The following EXOC4 variants were observed in gnomAD, a reference collection of about 807,000 sequenced individuals.
The protein encoded by EXOC4 is exocyst complex component 4.
EXOC4 carries 71 observed loss-of-function variants against 107.2 expected under a neutral mutation model. The ratio of observed to expected loss-of-function variants is 0.66; its 90% CI spans 0.55 to 0.81. The LOEUF is 0.81. Among genes scored for constraint, EXOC4 ranks in the 30% least tolerant of loss-of-function variants. EXOC4 has a pLI of 0.00. For synonymous variants in EXOC4, 456 were observed against 441.2 expected (o/e 1.03, Z -0.42); for missense variants, 1,108 against 1,189.6 (o/e 0.93, Z 1.01).
intron 7 of EXOC4, among the ~76,000 whole-genome samples, chr7:133,397,288 C>CA (rs1554446418): frequency 1.2e-4 from 3 of 26,032 alleles, no homozygotes; most frequent in East Asian, 1.3e-3. Context: ...CACACCCAGC[C>CA]AAATTTTTTT....
chr7:134,091,817 G>C, the EXOC4 span, among the ~76,000 whole-genome samples: 3 of 152,110 alleles, frequency 2.0e-5, no homozygotes, highest in Non-Finnish European at 4.4e-5. Flanking sequence ...CCTATCTTTA[G>C]GTGGGAAAGG....
At chr7:134,011,805 A>G (rs201366620) in intron 17 of EXOC4, among the ~76,000 whole-genome samples, 2 of 151,224 alleles carry the variant, frequency 1.3e-5, no homozygotes, top group African/African-American at 2.4e-5. Context: ...AAAAAAGAGT[A>G]GGCATGGGGA....
intron 14 of EXOC4, among the ~76,000 whole-genome samples, chr7:133,958,189 C>A (rs910612859): frequency 6.6e-6 from 1 of 152,134 alleles, no homozygotes; most frequent in African/African-American, 2.4e-5. Flanking sequence ...TTCTACCTTG[C>A]TTTTATTTGC....
chr7:133,792,553 C>CAAA (rs56408972), intron 10 of EXOC4, among the ~76,000 whole-genome samples: 51,559 of 73,810 alleles, frequency 0.7, 17,114 homozygotes, highest in South Asian at 0.78. Flanking sequence ...ACCCTGTCTC[C>CAAA]AAAAAAAAAA....
chr7:133,450,291 A>G (rs778485399), intron 7 of EXOC4, among the ~76,000 whole-genome samples: 17 of 152,136 alleles, frequency 1.1e-4, no homozygotes, highest in Middle Eastern at 3.4e-3. Flanking sequence ...AGGCTCCTTG[A>G]GTAGTTGGGA....
intron 7 of EXOC4, among the ~76,000 whole-genome samples, chr7:133,466,217 A>G (rs977303898): frequency 2.6e-5 from 4 of 152,178 alleles, no homozygotes; most frequent in Non-Finnish European, 4.4e-5. Flanking sequence ...AATCAATGAA[A>G]TAAAAATCAG....
At chr7:133,526,790 T>C (rs1340926314) in intron 9 of EXOC4, among the ~76,000 whole-genome samples, 1 of 151,888 alleles carries the variant, frequency 6.6e-6, no homozygotes, top group African/African-American at 2.4e-5. Context: ...GCCAACATGG[T>C]GAAACCTCGC....
intron 17 of EXOC4, among the ~76,000 whole-genome samples, chr7:134,061,083 G>A (rs1411053300): frequency 6.6e-6 from 1 of 152,122 alleles, no homozygotes; most frequent in African/African-American, 2.4e-5. Flanking sequence ...TCATCACACT[G>A]TGGAAGATCC....
At chr7:133,768,053 A>G (rs558061352) in intron 10 of EXOC4, 2 of 152,136 alleles carry the variant, frequency 1.3e-5, no homozygotes, top group Admixed American at 1.3e-4. Context: ...TGATTTGAAC[A>G]GTTTGAGCCT....
rs188294317 is a variant in EXOC4, at chr7:133,712,562, C to T, written c.1514+82421C>T. 1.0e-4 allele frequency among the ~76,000 whole-genome samples: 15 copies of T among 145,864 alleles called. No homozygotes were observed. In the East Asian group the frequency reaches 3.1e-3, roughly 30 times the overall value. On this transcript the variant is annotated intron_variant, in intron 10 of 17. Coordinates refer to ENST00000253861, the MANE Select transcript of EXOC4 (RefSeq NM_021807.4). The stretch of plus-strand genomic sequence containing the variant: ...TTTGGCCGTGCCTCAAAAAATTAAA[C>T]ATAGAATTAGCATATAATTTCACTA...
chr7:133,300,737 G>A (rs1430978507), intron 3 of EXOC4, among the ~76,000 whole-genome samples: 1 of 151,806 alleles, frequency 6.6e-6, no homozygotes, highest in Non-Finnish European at 1.5e-5. Flanking sequence ...ACTGCAAAGA[G>A]TGCTGTGATG....
intron 10 of EXOC4, among the ~76,000 whole-genome samples, chr7:133,745,910 C>T (rs1401676072): frequency 6.6e-6 from 1 of 151,914 alleles, no homozygotes; most frequent in Non-Finnish European, 1.5e-5. Flanking sequence ...TCAATAAGTA[C>T]GTGTTAAGTG....
chr7:133,738,261 T>C (rs1435966541), intron 10 of EXOC4, among the ~76,000 whole-genome samples: 1 of 152,096 alleles, frequency 6.6e-6, no homozygotes, highest in Non-Finnish European at 1.5e-5. Context: ...TTAAAAGAAA[T>C]GAAATTTCTC....
intron 15 of EXOC4, among the ~76,000 whole-genome samples, chr7:134,003,770 G>T (rs140080398): frequency 6.6e-6 from 1 of 151,752 alleles, no homozygotes; most frequent in Admixed American, 6.6e-5. Flanking sequence ...CTACGGTGGG[G>T]GATTCAAAAC....
chr7:133,698,932 G>C (rs1489214278), intron 10 of EXOC4, among the ~76,000 whole-genome samples: 1 of 146,514 alleles, frequency 6.8e-6, no homozygotes, highest in Non-Finnish European at 1.5e-5. Flanking sequence ...CATGTGCTTT[G>C]CAAGTTCTAT....
chr7:133,971,361 T>TATATAGAGAGAGAGAG (rs1489958236), intron 14 of EXOC4, among the ~76,000 whole-genome samples: 3 of 75,074 alleles, frequency 4.0e-5, no homozygotes, highest in African/African-American at 6.1e-5. Context: ...TATATATATA[T>TATATAGAGAGAGAGAG]AGAGAGAGAG....
chr7:133,773,625 G>A (rs1796289462), intron 10 of EXOC4, among the ~76,000 whole-genome samples: 1 of 151,876 alleles, frequency 6.6e-6, no homozygotes, highest in Admixed American at 6.6e-5. Context: ...GGTACTTTTT[G>A]TGGGTTCTAA....
chr7:133,661,672 T>TAAAAAAA (rs1177627198), intron 10 of EXOC4, among the ~76,000 whole-genome samples: 17 of 13,438 alleles, frequency 1.3e-3, no homozygotes, highest in East Asian at 2.6e-3. Flanking sequence ...TCCTTAAAAC[T>TAAAAAAA]AAAAAAAAAA....
At chr7:133,645,494 C>T (rs1453278321) in intron 10 of EXOC4, among the ~76,000 whole-genome samples, 1 of 151,948 alleles carries the variant, frequency 6.6e-6, no homozygotes, top group Non-Finnish European at 1.5e-5. Flanking sequence ...ATTTGTTCTC[C>T]CTCATAAAGA....
Sources: allele counts gnomAD v4.1 joint callset (sites outside exome capture counted in the v4.1 genomes callset), GRCh38; gene constraint gnomAD v4.1.1; transcripts MANE v1.5; gene names NCBI Gene and HGNC (gene_info 2026-07-23, HGNC 2026-07-21).